Variants in RAB38 observed in about 807,000 individuals in gnomAD.
The protein encoded by RAB38 is RAB38, member RAS oncogene family.
Under a neutral mutation model 18.4 loss-of-function variants are expected in RAB38, and 15 were observed. That is an observed-to-expected ratio of 0.82 (90% confidence interval 0.55 to 1.26). The LOEUF is 1.26. Ranked by LOEUF, RAB38 falls within the 50% of genes most tolerant of loss-of-function variation. The probability of loss-of-function intolerance (pLI) is 0.00; values close to 1 mark genes in which losing one functional copy is unlikely to be tolerated. For synonymous variants in RAB38, 101 were observed against 104.4 expected, an observed-to-expected ratio of 0.97 and a Z score of 0.20; for missense variants, 294 against 267.4, an observed-to-expected ratio of 1.10 and a Z score of -0.69.
At chr11:87,953,248 C>CGT in the RAB38 span, among the ~76,000 whole-genome samples, 4 of 152,104 alleles carry the variant, frequency 2.6e-5, no homozygotes, top group Admixed American at 1.3e-4. Flanking sequence ...AGAAAGAGTT[C>CGT]GTGTGTGTGT....
At chr11:87,848,280 T>C in the RAB38 span, among the ~76,000 whole-genome samples, 17 of 152,142 alleles carry the variant, frequency 1.1e-4, no homozygotes, top group African/African-American at 3.6e-4. Context: ...AGAAGTTTCT[T>C]AGTAACTCAC....
chr11:88,016,865 G>T, the RAB38 span, among the ~76,000 whole-genome samples: 3 of 152,012 alleles, frequency 2.0e-5, no homozygotes, highest in Admixed American at 2.0e-4. Flanking sequence ...AACTTGCTGG[G>T]CACGAATCTG....
At chr11:88,127,001 C>T (rs926512663) in intron 2 of RAB38, among the ~76,000 whole-genome samples, 4 of 152,184 alleles carry the variant, frequency 2.6e-5, no homozygotes. Context: ...GGCAAACAAA[C>T]TTCTTCATTA....
chr11:88,165,143 T>A (rs887960815), intron 1 of RAB38, among the ~76,000 whole-genome samples: 2 of 152,132 alleles, frequency 1.3e-5, no homozygotes, highest in African/African-American at 2.4e-5. Flanking sequence ...AATGAGCACC[T>A]TCTAAAAGCA....
the RAB38 span, among the ~76,000 whole-genome samples, chr11:88,004,221 T>C: frequency 6.7e-6 from 1 of 150,354 alleles, no homozygotes; most frequent in Non-Finnish European, 1.5e-5. Context: ...TCTTCGTGAA[T>C]ACAGATTTAA....
the RAB38 span, among the ~76,000 whole-genome samples, chr11:87,949,432 T>C: frequency 1.8e-4 from 28 of 152,074 alleles, no homozygotes; most frequent in Admixed American, 7.9e-4. Context: ...CTTCTGCTAG[T>C]TTTTGAATGT....
chr11:87,855,652 G>T, the RAB38 span, among the ~76,000 whole-genome samples: 277 of 152,142 alleles, frequency 1.8e-3, no homozygotes, highest in African/African-American at 6.2e-3. Flanking sequence ...TAAGATAAAA[G>T]AAATTACGTA....
the RAB38 span, among the ~76,000 whole-genome samples, chr11:88,031,922 G>C: frequency 2.0e-5 from 3 of 151,836 alleles, no homozygotes; most frequent in Non-Finnish European, 4.4e-5. Context: ...GCATCGCCAA[G>C]TCAATCCTAA....
chr11:87,856,437 A>G, the RAB38 span, among the ~76,000 whole-genome samples: 2 of 152,202 alleles, frequency 1.3e-5, no homozygotes, highest in Non-Finnish European at 2.9e-5. Flanking sequence ...GACATGAGAA[A>G]AAGATAAATA....
chr11:88,028,660 G>A, the RAB38 span, among the ~76,000 whole-genome samples: 9 of 152,116 alleles, frequency 5.9e-5, no homozygotes, highest in Non-Finnish European at 8.8e-5. Context: ...GAAATGAAGC[G>A]AGAGGAGAAG....
At chr11:87,960,156 A>G in the RAB38 span, among the ~76,000 whole-genome samples, 1 of 152,132 alleles carries the variant, frequency 6.6e-6, no homozygotes, top group African/African-American at 2.4e-5. Context: ...ATTGACTTAG[A>G]AAAGTGCTTC....
At chr11:88,025,198 ATAT>A in the RAB38 span, among the ~76,000 whole-genome samples, 3 of 149,714 alleles carry the variant, frequency 2.0e-5, no homozygotes, top group African/African-American at 4.9e-5. Flanking sequence ...TATGAGATAT[ATAT>A]TATAATTATA....
At chr11:87,902,638 T>G in the RAB38 span, among the ~76,000 whole-genome samples, 1 of 151,494 alleles carries the variant, frequency 6.6e-6, no homozygotes, top group African/African-American at 2.4e-5. Flanking sequence ...TGAATAATTC[T>G]AAATTATGAA....
the RAB38 span, among the ~76,000 whole-genome samples, chr11:87,860,457 CT>C: frequency 6.6e-6 from 1 of 151,880 alleles, no homozygotes; most frequent in African/African-American, 2.4e-5. Context: ...AACTTCAACA[CT>C]AATGACTTTT....
intron 2 of RAB38, among the ~76,000 whole-genome samples, chr11:88,144,240 A>G (rs1332055064): frequency 6.6e-6 from 1 of 152,222 alleles, no homozygotes; most frequent in African/African-American, 2.4e-5. Flanking sequence ...ATCAGCTAAA[A>G]ATACAGGGTT....
chr11:88,059,608 A>C, the RAB38 span, among the ~76,000 whole-genome samples: 1 of 152,142 alleles, frequency 6.6e-6, no homozygotes. Context: ...TTGTTTCAGT[A>C]TTTCTGTGAG....
At chr11:87,863,816 C>G in the RAB38 span, among the ~76,000 whole-genome samples, 41 of 151,712 alleles carry the variant, frequency 2.7e-4, no homozygotes, top group African/African-American at 9.4e-4. Context: ...CTTCACTCGC[C>G]TAAAATCCTT....
chr11:87,891,751 T>TATAG, the RAB38 span, among the ~76,000 whole-genome samples: 1 of 151,896 alleles, frequency 6.6e-6, no homozygotes, highest in Admixed American at 6.6e-5. Context: ...TGTAGAACAC[T>TATAG]ATAGATAGGC....
chr11:87,872,534 T>C, the RAB38 span, among the ~76,000 whole-genome samples: 1 of 151,518 alleles, frequency 6.6e-6, no homozygotes, highest in African/African-American at 2.4e-5. Flanking sequence ...TGTAGTGATA[T>C]ATATCCACTA....
Sources: allele counts gnomAD v4.1 joint callset (sites outside exome capture counted in the v4.1 genomes callset), GRCh38; gene constraint gnomAD v4.1.1; transcripts MANE v1.5; gene names NCBI Gene and HGNC (gene_info 2026-07-23, HGNC 2026-07-21).